LOXHD1: variants seen among roughly 807,000 people sequenced by gnomAD.
LOXHD1 encodes the protein lipoxygenase homology PLAT domains 1, also known as lipoxygenase homology domain-containing protein 1.
Under a neutral mutation model 248.2 loss-of-function variants are expected in LOXHD1, and 205 were observed. That is an observed-to-expected ratio of 0.83 (90% CI 0.74 to 0.93). The LOEUF is 0.93. Ranked by LOEUF, LOXHD1 falls within the 40% of genes least tolerant of loss-of-function variation. The pLI is 0.00. For synonymous variants in LOXHD1, 1,113 were observed against 1,162.8 expected (o/e 0.96, Z 0.87); for missense variants, 2,930 against 2,971.6 (o/e 0.99, Z 0.33).
At chr18:46,598,086 C>T (rs1405053996) in intron 8 of LOXHD1, among the ~76,000 whole-genome samples, 2 of 152,104 alleles carry the variant, frequency 1.3e-5, no homozygotes, top group Admixed American at 6.6e-5. Flanking sequence ...CTATATTAAA[C>T]TTTAATAACT....
At chr18:46,509,632 G>A in intron 35 of LOXHD1, 66 bp downstream of exon 35, 2 of 1,207,840 alleles carry the variant, frequency 1.7e-6, no homozygotes, top group South Asian at 1.3e-5. Context: ...CCATTGACAA[G>A]CCAGAGGAAC....
chr18:46,655,320 G>C (rs2039166038), intron 1 of LOXHD1, among the ~76,000 whole-genome samples: 2 of 152,198 alleles, frequency 1.3e-5, no homozygotes. Context: ...TCAAACATGA[G>C]AACATTAGTA....
chr18:46,621,261 G>A (rs2038664757), intron 4 of LOXHD1, among the ~76,000 whole-genome samples: 3 of 152,250 alleles, frequency 2.0e-5, no homozygotes, highest in Admixed American at 2.0e-4. Context: ...CTGCAGCAGG[G>A]ATGGACAGAT....
chr18:46,612,768 G>A (rs1383839600), intron 5 of LOXHD1, among the ~76,000 whole-genome samples: 1 of 151,970 alleles, frequency 6.6e-6, no homozygotes, highest in Non-Finnish European at 1.5e-5. Context: ...CAGCCCATCT[G>A]AAAGTTATTT....
chr18:46,649,006 C>T (rs750642135), intron 2 of LOXHD1, 149 bp downstream of exon 2: 28 of 663,872 alleles, frequency 4.2e-5, no homozygotes, highest in Middle Eastern at 4.0e-4. Flanking sequence ...AGCTGGTACA[C>T]GGTCTGTCAT....
intron 5 of LOXHD1, among the ~76,000 whole-genome samples, chr18:46,616,742 GGGT>G: frequency 6.6e-6 from 1 of 152,114 alleles, no homozygotes; most frequent in Admixed American, 6.5e-5. Flanking sequence ...TAGAATTATG[GGGT>G]GATATATATC....
chr18:46,591,954 T>C lies in LOXHD1; in HGVS notation c.1633A>G (p.Thr545Ala). Residue 545 changes from threonine (T) to alanine (A), a missense_variant, in exon 12 of 41, where the codon ACA becomes GCA. Transcript: ENST00000642948. ...TTACTGCCCATGATCCTGCGCACTGTTGGGCCTTCTGCAGTCATTTCCCTC... is the reference window on the plus strand; with the variant it reads ...TTACTGCCCATGATCCTGCGCACTGCTGGGCCTTCTGCAGTCATTTCCCTC... The part of the protein sequence containing the change: ...IVREMTAEGP[T>A]VRRIMGMARY... 6.4e-7 allele frequency: 1 copy of C among 1,551,910 alleles called. No individual in the cohort carries two copies. The highest frequency in any genetic ancestry group is 1.2e-5 in the South Asian group (1 of 84,062).
intron 2 of LOXHD1, among the ~76,000 whole-genome samples, chr18:46,647,499 C>G (rs551021603): frequency 1.3e-5 from 2 of 152,148 alleles, no homozygotes; most frequent in Non-Finnish European, 2.9e-5. Context: ...ACCAACCGGG[C>G]GACTCCCTAG....
At chr18:46,628,000 G>A (rs542724431) in intron 4 of LOXHD1, among the ~76,000 whole-genome samples, 27 of 152,336 alleles carry the variant, frequency 1.8e-4, no homozygotes, top group Non-Finnish European at 2.9e-4. Flanking sequence ...GTGCATAGAA[G>A]GCTCCCCGCA....
At chr18:46,631,235 A>G (rs2038817197) in intron 4 of LOXHD1, among the ~76,000 whole-genome samples, 1 of 152,152 alleles carries the variant, frequency 6.6e-6, no homozygotes, top group Non-Finnish European at 1.5e-5. Flanking sequence ...GGAGAGATAC[A>G]CATTAGGAAG....
At chr18:46,509,879 C>T in intron 34 of LOXHD1, 64 bp from the exon 35 acceptor site, 1 of 1,106,192 alleles carries the variant, frequency 9.0e-7, no homozygotes, top group South Asian at 1.3e-5. Flanking sequence ...TGGGGTGGGC[C>T]AGGCCAGAGG....
chr18:46,546,082 C>A (rs2036809752), intron 22 of LOXHD1, among the ~76,000 whole-genome samples: 1 of 152,052 alleles, frequency 6.6e-6, no homozygotes, highest in Non-Finnish European at 1.5e-5. Flanking sequence ...TTAGGGGATA[C>A]TTTGAGGGTC....
chr18:46,509,717 G>A lies in LOXHD1; in HGVS notation c.5498C>T (p.Pro1833Leu), dbSNP rs772058659. The change falls in exon 35 of 41, where the codon CCG (proline) becomes CTG (leucine). Residue 1833 changes from proline (P) to leucine (L), a missense_variant. By Grantham distance (98) the Pro-to-Leu change is moderately conservative. Coordinates refer to ENST00000642948, the MANE Select transcript of LOXHD1 (RefSeq NM_001384474.1). ...TTTTACCCTCTCCAGGAACCACTCC[G>A]GCCGACTGCCCAGGCCATCAATCCG... ...RIRIDGLGSR[P>L]EWFLERILLK... is the part of the protein sequence containing the mutation. 38 of 1,551,376 alleles carry A rather than the reference G, an allele frequency of 2.4e-5. No individual in the cohort carries two copies. Among genetic ancestry groups the A allele is most frequent in the Non-Finnish European group, 3.1e-5 (35 of 1,146,870 alleles).
intron 25 of LOXHD1, among the ~76,000 whole-genome samples, chr18:46,540,654 CTTTTTTTTT>C (rs60099172): frequency 7.7e-5 from 7 of 91,402 alleles, no homozygotes; most frequent in South Asian, 4.5e-4. Flanking sequence ...AACTCTTTAT[CTTTTTTTTT>C]TTTTTTTTTT....
Position 46,602,893 on chromosome 18 carries a change from C to A in LOXHD1, c.883+1213G>T, listed in dbSNP as rs8095372. 6.6e-3 allele frequency among the ~76,000 whole-genome samples: 998 copies of A among 152,290 alleles called. 12 individuals carry two copies. The highest frequency in any genetic ancestry group is 0.023 in the African/African-American group (963 of 41,568). ...GATATAAGCAATGCCCAGCTGCTAT[C>A]ATTTCTGCTCTTCTTCTACCACTAG... On this transcript the variant is annotated intron_variant, in intron 7 of 40. Coordinates refer to ENST00000642948, the MANE Select transcript of LOXHD1 (RefSeq NM_001384474.1).
At position 46,604,160 on chromosome 18, in the gene LOXHD1, C is replaced by A; in HGVS notation, c.829G>T (p.Glu277Ter). The change falls in exon 7 of 41, where the codon GAA becomes TAA. Residue 277 changes from glutamate (E) to a stop codon, truncating the protein, a stop_gained. Coordinates refer to ENST00000642948, the MANE Select transcript of LOXHD1 (RefSeq NM_001384474.1). LOFTEE classifies it high-confidence loss of function. ...FPLNRWLALDEDDGKIQRDIL... is the reference protein window; with the variant it reads ...FPLNRWLALD ...TCCCTTTGGATTTTGCCATCGTCTT[C>A]GTCCAAGGCCAGCCAGCGGTTAAGG... The A allele has an allele frequency of 6.4e-7, 1 of 1,551,730 alleles. No individual in the cohort carries two copies. The highest frequency in any genetic ancestry group is 2.4e-5 in the East Asian group (1 of 40,916).
rs1465664353 is a variant in LOXHD1, at chr18:46,477,806, C to T, written c.6488G>A (p.Gly2163Asp). ...ATCAGTGCCTGCCCCTGGCTCATAGCCTGTTGTCACGATGACTTCGTACTT... is the reference window on the plus strand; with the variant it reads ...ATCAGTGCCTGCCCCTGGCTCATAGTCTGTTGTCACGATGACTTCGTACTT... ...PVKYEVIVTT[G>D]YEPGAGTDAN... The change falls in exon 41 of 41, where the codon GGC becomes GAC. Residue 2163 changes from glycine to aspartate, a missense_variant. By Grantham distance (94) the Gly-to-Asp change is moderately conservative. Transcript: ENST00000642948. 6.4e-7 allele frequency: 1 copy of T among 1,551,864 alleles called. No homozygotes were observed. The highest frequency in any genetic ancestry group is 2.0e-5 in the Admixed American group (1 of 51,016).
At chr18:46,568,907 G>A (rs1405907128) in intron 16 of LOXHD1, among the ~76,000 whole-genome samples, 1 of 152,180 alleles carries the variant, frequency 6.6e-6, no homozygotes, top group Non-Finnish European at 1.5e-5. Flanking sequence ...TTGCAGCAGA[G>A]TCACCTGGAG....
chr18:46,580,808 T>C (rs1230109932), intron 12 of LOXHD1, among the ~76,000 whole-genome samples: 2 of 152,078 alleles, frequency 1.3e-5, no homozygotes, highest in East Asian at 1.9e-4. Context: ...AAAGAGGTAA[T>C]GTGTGAGCTA....
Sources: gnomAD v4.1 joint callset for allele counts (sites outside exome capture counted in the v4.1 genomes callset) on GRCh38, gnomAD v4.1.1 for gene constraint, MANE v1.5 for transcripts, NCBI Gene and HGNC (gene_info 2026-07-23, HGNC 2026-07-21) for gene names.